ITGAV: variants seen among roughly 807,000 people sequenced by gnomAD.
ITGAV encodes integrin alpha-V.
In ITGAV, 76 loss-of-function variants were observed where a neutral mutation model predicts 143.8. That is an observed-to-expected ratio of 0.53 (90% CI 0.44 to 0.64). ITGAV has a LOEUF of 0.64. ITGAV is among the 30% of genes least tolerant of loss of function. The pLI, the probability that ITGAV is intolerant of heterozygous loss-of-function variation, is 0.00. For synonymous variants in ITGAV, 453 were observed against 446.7 expected (o/e 1.01, Z -0.18); for missense variants, 1,193 against 1,274.7 (o/e 0.94, Z 0.98).
At chr2:186,610,904 T>C (rs985926846) in intron 2 of ITGAV, among the ~76,000 whole-genome samples, 1 of 152,228 alleles carries the variant, frequency 6.6e-6, no homozygotes, top group Non-Finnish European at 1.5e-5. Flanking sequence ...TAGTCTGTTA[T>C]CTGTTTTGCC....
chr2:186,645,804 GA>G (rs200991910), intron 12 of ITGAV, among the ~76,000 whole-genome samples: 2 of 147,250 alleles, frequency 1.4e-5, no homozygotes, highest in African/African-American at 5.0e-5. Context: ...CGTCTCTACT[GA>G]AAAAAAAACA....
chr2:186,610,481 A>G (rs1181685569), intron 2 of ITGAV, among the ~76,000 whole-genome samples: 1 of 152,176 alleles, frequency 6.6e-6, no homozygotes. Flanking sequence ...ATGTTTTAAA[A>G]AGTTTCTTAT....
intron 18 of ITGAV, among the ~76,000 whole-genome samples, chr2:186,662,356 T>G (rs933148964): frequency 2.0e-5 from 3 of 152,212 alleles, no homozygotes; most frequent in African/African-American, 7.2e-5. Context: ...ACGTATATTT[T>G]TGTGTTTCCT....
At chr2:186,591,744 A>G (rs759447290) in intron 1 of ITGAV, among the ~76,000 whole-genome samples, 13 of 152,206 alleles carry the variant, frequency 8.5e-5, no homozygotes, top group Non-Finnish European at 1.8e-4. Context: ...CTTTGCAGCA[A>G]TACATAGATT....
intron 1 of ITGAV, among the ~76,000 whole-genome samples, chr2:186,595,592 A>G (rs1337035336): frequency 5.3e-5 from 8 of 151,658 alleles, no homozygotes. Flanking sequence ...CCTCTCTCCC[A>G]AACTCAATCC....
intron 2 of ITGAV, among the ~76,000 whole-genome samples, chr2:186,603,331 A>G (rs961628864): frequency 6.6e-6 from 1 of 152,186 alleles, no homozygotes; most frequent in African/African-American, 2.4e-5. Context: ...ATTCTGGGAA[A>G]TATGTCAGTG....
At chr2:186,621,572 C>G (rs1441752377) in intron 2 of ITGAV, among the ~76,000 whole-genome samples, 1 of 152,264 alleles carries the variant, frequency 6.6e-6, no homozygotes, top group East Asian at 1.9e-4. Flanking sequence ...AAGATCACAT[C>G]TTGCATTCGG....
At chr2:186,670,538 C>G (rs374874713) in intron 26 of ITGAV, among the ~76,000 whole-genome samples, 58 of 152,222 alleles carry the variant, frequency 3.8e-4, no homozygotes, top group Middle Eastern at 3.4e-3. Flanking sequence ...TGAGCTCAAG[C>G]GATCTGCCCA....
At chr2:186,665,452 T>G (rs1247786580) in intron 21 of ITGAV, among the ~76,000 whole-genome samples, 6 of 152,202 alleles carry the variant, frequency 3.9e-5, no homozygotes, top group Admixed American at 3.9e-4. Flanking sequence ...CTCCTTCACT[T>G]TAGTGAATGG....
intron 1 of ITGAV, among the ~76,000 whole-genome samples, chr2:186,596,160 G>A (rs937942028): frequency 1.3e-5 from 2 of 152,156 alleles, no homozygotes; most frequent in Non-Finnish European, 2.9e-5. Context: ...ATCACCTTCA[G>A]AAAGTTTCTT....
intron 22 of ITGAV, 72 bp from the exon 23 acceptor site, chr2:186,667,078 A>G: frequency 8.8e-7 from 1 of 1,133,510 alleles, no homozygotes. Flanking sequence ...TTTTAGTTTC[A>G]CTGGGTTTGC....
chr2:186,651,209 A>G (rs890655931), intron 14 of ITGAV, among the ~76,000 whole-genome samples: 1 of 152,210 alleles, frequency 6.6e-6, no homozygotes, highest in Non-Finnish European at 1.5e-5. Context: ...AGTGCTATGT[A>G]GCGGAGTTTG....
At chr2:186,629,386 A>G (rs1403635292) in intron 4 of ITGAV, among the ~76,000 whole-genome samples, 1 of 152,008 alleles carries the variant, frequency 6.6e-6, no homozygotes, top group Non-Finnish European at 1.5e-5. Context: ...ATAGCTTGAA[A>G]TAGTTCCCCA....
At chr2:186,602,255 C>T (rs1390483885) in intron 2 of ITGAV, 104 bp downstream of exon 2, 3 of 796,812 alleles carry the variant, frequency 3.8e-6, no homozygotes, top group Non-Finnish European at 5.7e-6. Context: ...TATAGATAAG[C>T]ACCTCAGCTT....
In ITGAV at chr2:186,674,488, C is replaced by G. The variant is rs546553428; in HGVS notation, c.2707-1116C>G. Among the ~76,000 whole-genome samples the G allele has an allele frequency of 1.3e-4, 19 of 151,920 alleles. No homozygotes were observed. The South Asian group carries it at 4.0e-3, about 32-fold the overall frequency. ...CTACAAAGAGATAGCTTTACTTTAT[C>G]ATTTCTAATCTGGATACCTTTTACT... On this transcript the variant is annotated intron_variant, in intron 26 of 29. Coordinates refer to ENST00000261023, the MANE Select transcript of ITGAV (RefSeq NM_002210.5).
intron 2 of ITGAV, among the ~76,000 whole-genome samples, chr2:186,613,966 G>C (rs1559043165): frequency 6.6e-6 from 1 of 152,014 alleles, no homozygotes; most frequent in Non-Finnish European, 1.5e-5. Context: ...AGGTTCCTAG[G>C]AACGCTAATG....
intron 2 of ITGAV, among the ~76,000 whole-genome samples, chr2:186,612,401 C>T (rs1319595684): frequency 1.3e-5 from 2 of 151,506 alleles, no homozygotes; most frequent in South Asian, 4.2e-4. Context: ...GAAGCTCCTA[C>T]CTTTATATTC....
rs187296094 is a variant in ITGAV, at chr2:186,630,150, T to C, written c.524-647T>C. On this transcript the variant is annotated intron_variant, in intron 4 of 29. Transcript: ENST00000261023. The stretch of plus-strand genomic sequence containing the variant: ...TTCTGGTCTGTCCATTTCCTGAAAT[T>C]CTGAGCTATGTTATTCATCTCTGTT... Among the ~76,000 whole-genome samples, 7 of 152,152 alleles carry C rather than the reference T, an allele frequency of 4.6e-5. No individual in the cohort carries two copies. The East Asian group carries it at 1.4e-3, about 29-fold the overall frequency.
intron 1 of ITGAV, 61 bp downstream of exon 1, chr2:186,590,584 C>A: frequency 6.8e-7 from 1 of 1,465,788 alleles, no homozygotes. Flanking sequence ...ACCCACCCAG[C>A]GTTTCTCCAT....
Sources: allele counts gnomAD v4.1 joint callset (sites outside exome capture counted in the v4.1 genomes callset), GRCh38; gene constraint gnomAD v4.1.1; transcripts MANE v1.5; gene names NCBI Gene and HGNC (gene_info 2026-07-23, HGNC 2026-07-21).